Variants in ADAMTS15 observed in about 807,000 individuals in gnomAD.
The protein encoded by ADAMTS15 is ADAM metallopeptidase with thrombospondin type 1 motif 15.
A neutral mutation model predicts 79.1 loss-of-function variants in ADAMTS15; 35 were observed. That is an observed-to-expected ratio of 0.44 (90% CI 0.34 to 0.59). The LOEUF (loss-of-function observed/expected upper bound fraction) is 0.59. Among genes scored for constraint, ADAMTS15 ranks in the 20% least tolerant of loss-of-function variants. The pLI is 0.02. For synonymous variants in ADAMTS15, 616 were observed against 567.3 expected (o/e 1.09, Z -1.22); for missense variants, 1,324 against 1,318.7 (o/e 1.00, Z -0.06).
chr11:130,462,254 G>C lies in ADAMTS15; in HGVS notation c.1258G>C (p.Gly420Arg), dbSNP rs767345140. The C allele has an allele frequency of 6.2e-7, 1 of 1,611,678 alleles. No homozygotes were observed. Among genetic ancestry groups the C allele is most frequent in the Admixed American group, 1.7e-5 (1 of 59,844 alleles). The change falls in exon 3 of 8, where the codon GGT becomes CGT. Residue 420 changes from glycine to arginine, a missense_variant and splice_region_variant. Physicochemically the swap from Gly to Arg is moderately radical, Grantham distance 125. Coordinates refer to ENST00000299164, the MANE Select transcript of ADAMTS15 (RefSeq NM_139055.4). The surrounding 1 kb of genome is among the most constrained non-coding windows in gnomAD (Gnocchi z 4.3). ...CACCGACTTCCTGGACAGCGGGCAC[G>C]GTAAGCCAGGACGGCGGGAGGGCAA... ...IITDFLDSGH[G>R]DCLLDQPSKP... is the part of the protein sequence containing the mutation.
intron 5 of ADAMTS15, among the ~76,000 whole-genome samples, chr11:130,470,515 C>T (rs1938428347): frequency 6.6e-6 from 1 of 152,002 alleles, no homozygotes; most frequent in Non-Finnish European, 1.5e-5. Context: ...GTGTGTCCAG[C>T]ACTGAATCAT....
chr11:130,452,765 G>T (rs529106722), intron 1 of ADAMTS15, among the ~76,000 whole-genome samples: 2 of 152,278 alleles, frequency 1.3e-5, no homozygotes, highest in Middle Eastern at 6.8e-3. Context: ...GGTGGATCAT[G>T]AGGTCAAGAG....
At chr11:130,452,944 G>A (rs1937994517) in intron 1 of ADAMTS15, among the ~76,000 whole-genome samples, 1 of 150,182 alleles carries the variant, frequency 6.7e-6, no homozygotes, top group African/African-American at 2.5e-5. Context: ...TCATGCCACT[G>A]CACTGCAGCC....
At chr11:130,470,133 C>CATATATATATATATATGTGTGTATATAT in intron 5 of ADAMTS15, among the ~76,000 whole-genome samples, 1 of 74,794 alleles carries the variant, frequency 1.3e-5, no homozygotes, top group South Asian at 3.8e-4. Flanking sequence ...TATATATATA[C>CATATATATATATATATGTGTGTATATAT]ATATATATAT....
chr11:130,469,300 C>A lies in ADAMTS15; in HGVS notation c.1581C>A (p.Pro527=). ...GSWAKWDPYG[P]CSRTCGGGVQ... ...GGGCCAAATGGGATCCCTATGGCCC[C>A]TGCTCGCGCACATGTGGTGGGGGCG... The change falls in exon 5 of 8, where the codon CCC becomes CCA. Residue 527 remains proline (P), a synonymous_variant. Transcript: ENST00000299164. 7.1e-7 allele frequency: 1 copy of A among 1,402,514 alleles called. No homozygotes were observed. The highest frequency in any genetic ancestry group is 2.8e-5 in the East Asian group (1 of 36,306). 86.9% of individuals were successfully genotyped at this position (1,402,514 alleles called of 1,614,324 possible). A position where few individuals can be genotyped will look rare whatever the true frequency, so the allele number is the denominator to read the frequency against.
chr11:130,465,334 G>A (rs990755768), intron 4 of ADAMTS15, among the ~76,000 whole-genome samples: 2 of 152,158 alleles, frequency 1.3e-5, no homozygotes, highest in South Asian at 2.1e-4. Context: ...TGTGCTTTGC[G>A]CGGGAACCCC....
At chr11:130,454,438 A>G (rs949577176) in intron 1 of ADAMTS15, among the ~76,000 whole-genome samples, 42 of 152,228 alleles carry the variant, frequency 2.8e-4, no homozygotes, top group African/African-American at 9.2e-4. Context: ...TTTGGTGATA[A>G]AGCACTTGTC....
intron 1 of ADAMTS15, among the ~76,000 whole-genome samples, chr11:130,452,849 C>T (rs1469022693): frequency 3.9e-5 from 6 of 152,054 alleles, no homozygotes; most frequent in Non-Finnish European, 7.4e-5. Flanking sequence ...GGCGTGGTGG[C>T]TCACGCCTGT....
rs754049222 is a variant in ADAMTS15, at chr11:130,449,329, T to A, written c.356T>A (p.Leu119Gln). 1 of 1,609,486 alleles carries A rather than the reference T, an allele frequency of 6.2e-7. No individual in the cohort carries two copies. Among genetic ancestry groups the A allele is most frequent in the Non-Finnish European group, 8.5e-7 (1 of 1,179,986 alleles). Residue 119 changes from leucine (L) to glutamine (Q), a missense_variant, in exon 1 of 8, where the codon CTG (leucine) becomes CAG (glutamine). Transcript: ENST00000299164. This position sits in a 1 kb window ranked among gnomAD's most constrained non-coding sequence, Gnocchi z 7.8. ...AEPDSFAAVS[L>Q]CGGLRGAFGY... is the part of the protein sequence containing the mutation. ...CCGGACTCGTTCGCTGCTGTGAGCC[T>A]GTGCGGGGGGCTCCGCGGAGCCTTT...
Position 130,449,706 on chromosome 11 carries a change from C to G in ADAMTS15, c.733C>G (p.Leu245Val). 1.2e-6 allele frequency: 2 copies of G among 1,611,122 alleles called. No individual in the cohort carries two copies. The highest frequency in any genetic ancestry group is 1.7e-6 in the Non-Finnish European group (2 of 1,178,918). ...GGACCTGGAACATTATCTGCTGACG[C>G]TGCTGGCAACGGCGGCGCGACTCTA... ...GADLEHYLLT[L>V]LATAARLYRH... Residue 245 changes from leucine (L) to valine (V), a missense_variant, in exon 1 of 8, where the codon CTG becomes GTG. Transcript: ENST00000299164. This position sits in a 1 kb window ranked among gnomAD's most constrained non-coding sequence, Gnocchi z 7.8.
chr11:130,472,976 A>G lies in ADAMTS15; in HGVS notation c.2079-71A>G, dbSNP rs2134742096. On this transcript the variant is annotated intron_variant, in intron 7 of 7. Coordinates refer to ENST00000299164, the MANE Select transcript of ADAMTS15 (RefSeq NM_139055.4). The surrounding 1 kb of genome is among the most constrained non-coding windows in gnomAD (Gnocchi z 4.7). Reference sequence around the variant, plus strand: ...CCGAAAGCTAGGTTTACTGAGGAAAACAGATCCTGGAGCATAAGGTCCTCA... The same window carrying G: ...CCGAAAGCTAGGTTTACTGAGGAAAGCAGATCCTGGAGCATAAGGTCCTCA... 11 of 1,559,160 alleles carry G rather than the reference A, an allele frequency of 7.1e-6. No homozygotes were observed. The South Asian group carries it at 1.3e-4, about 19-fold the overall frequency.
At chr11:130,461,418 T>C (rs1938195565) in intron 1 of ADAMTS15, 71 bp from the exon 2 acceptor site, 2 of 1,606,250 alleles carry the variant, frequency 1.2e-6, no homozygotes, top group East Asian at 4.5e-5. Context: ...GGATGTCCTT[T>C]CTTCCCTTCA....
Position 130,469,404 on chromosome 11 carries a change from A to G in ADAMTS15, c.1685A>G (p.Tyr562Cys), listed in dbSNP as rs1938375684. Residue 562 changes from tyrosine to cysteine, a missense_variant, in exon 5 of 8, where the codon TAC becomes TGC. Physicochemically the swap from Tyr to Cys is radical, Grantham distance 194 (BLOSUM62 -2). Transcript: ENST00000299164. Reference protein sequence around the residue: ...GKYCEGVRVKYRSCNLEPCPS... With the variant: ...GKYCEGVRVKCRSCNLEPCPS... ...TACTGCGAGGGAGTGAGGGTGAAAT[A>G]CCGATCCTGCAATCTGGAGCCCTGC... 1 of 1,349,384 alleles carries G rather than the reference A, an allele frequency of 7.4e-7. No homozygotes were observed. The allele number at this position is 1,349,384 out of a possible 1,614,324, so 83.6% of individuals were successfully genotyped here.
At position 130,472,942 on chromosome 11, in the gene ADAMTS15, C is replaced by A. The variant is rs940274517; in HGVS notation, c.2079-105C>A. On this transcript the variant is annotated intron_variant, in intron 7 of 7. Coordinates refer to ENST00000299164, the MANE Select transcript of ADAMTS15 (RefSeq NM_139055.4). The surrounding 1 kb of genome is among the most constrained non-coding windows in gnomAD (Gnocchi z 4.7). ...AAAACCTGTGCTTTTACTCCCATGC[C>A]AGAATTCACCGAAAGCTAGGTTTAC... is the stretch of plus-strand genomic sequence containing the variant. 5.1e-5 allele frequency: 76 copies of A among 1,496,004 alleles called. No homozygotes were observed. Among genetic ancestry groups the A allele is most frequent in the Non-Finnish European group, 6.6e-5 (73 of 1,106,548 alleles). 92.7% of individuals were successfully genotyped at this position (1,496,004 alleles called of 1,614,324 possible). A position where few individuals can be genotyped will look rare whatever the true frequency, so the allele number is the denominator to read the frequency against.
At chr11:130,451,349 T>A (rs1057341310) in intron 1 of ADAMTS15, among the ~76,000 whole-genome samples, 5 of 152,220 alleles carry the variant, frequency 3.3e-5, no homozygotes, top group Non-Finnish European at 5.9e-5. Context: ...AGTCCCTTCC[T>A]GGAGTCGAAC....
At chr11:130,471,835 A>T (rs939900700) in intron 7 of ADAMTS15, among the ~76,000 whole-genome samples, 3 of 152,246 alleles carry the variant, frequency 2.0e-5, no homozygotes, top group African/African-American at 7.2e-5. Flanking sequence ...TAAGGGAGTT[A>T]GTCCAAGTAA....
intron 1 of ADAMTS15, 65 bp from the exon 2 acceptor site, chr11:130,461,424 C>T (rs551220863): frequency 2.5e-6 from 4 of 1,609,798 alleles, no homozygotes; most frequent in Admixed American, 1.7e-5. Flanking sequence ...CCTTTCTTCC[C>T]TTCAGGTCCC....
chr11:130,453,646 T>C (rs1245535012), intron 1 of ADAMTS15, among the ~76,000 whole-genome samples: 2 of 152,122 alleles, frequency 1.3e-5, no homozygotes, highest in African/African-American at 4.8e-5. Flanking sequence ...AGGCTGATCT[T>C]GAACTCCTGG....
At chr11:130,463,544 A>G (rs1213629628) in intron 4 of ADAMTS15, among the ~76,000 whole-genome samples, 2 of 152,096 alleles carry the variant, frequency 1.3e-5, no homozygotes, top group Non-Finnish European at 2.9e-5. Context: ...GTCCCTTCCC[A>G]TCCCCTGTTC....
Sources: gnomAD v4.1 joint callset for allele counts (sites outside exome capture counted in the v4.1 genomes callset) on GRCh38, gnomAD v4.1.1 for gene constraint, Gnocchi (gnomAD v3.1) non-coding constraint, MANE v1.5 for transcripts, NCBI Gene and HGNC (gene_info 2026-07-23, HGNC 2026-07-21) for gene names.